Variants in PDE2A observed in about 807,000 individuals in gnomAD.
The protein encoded by PDE2A is cGMP-dependent 3',5'-cyclic phosphodiesterase.
A neutral mutation model predicts 133.6 loss-of-function variants in PDE2A; 53 were observed. The ratio of observed to expected loss-of-function variants is 0.40; its 90% CI spans 0.32 to 0.50. PDE2A has a LOEUF of 0.50. Among genes scored for constraint, PDE2A ranks in the 20% least tolerant of loss-of-function variants. The probability of loss-of-function intolerance (pLI) is 0.73; values close to 1 mark genes in which losing one functional copy is unlikely to be tolerated. For missense variants in PDE2A, 796 were observed against 1,232.4 expected, an observed-to-expected ratio of 0.65 and a Z score of 5.30; for synonymous variants, 491 against 490.2, an observed-to-expected ratio of 1.00 and a Z score of -0.02.
chr11:72,605,049 G>A lies in PDE2A; in HGVS notation c.323+89C>T, dbSNP rs1325910342. Reference sequence around the variant, plus strand: ...GGCGGGGATCAATGTTGGAAGGGGAGGGTCAGACCAGATGACCTTGGATGG... The same window carrying A: ...GGCGGGGATCAATGTTGGAAGGGGAAGGTCAGACCAGATGACCTTGGATGG... On this transcript the variant is annotated intron_variant, in intron 4 of 30. Transcript: ENST00000334456. 5.3e-6 allele frequency: 4 copies of A among 756,600 alleles called. No homozygotes were observed. The East Asian group carries it at 8.2e-5, about 16-fold the overall frequency. 46.9% of individuals were successfully genotyped at this position (756,600 alleles called of 1,614,324 possible). A position where few individuals can be genotyped will look rare whatever the true frequency, so the allele number is the denominator to read the frequency against.
At chr11:72,588,286 C>T (rs1856069995) in intron 13 of PDE2A, among the ~76,000 whole-genome samples, 1 of 152,186 alleles carries the variant, frequency 6.6e-6, no homozygotes, top group Non-Finnish European at 1.5e-5. Flanking sequence ...ATATCCTTTC[C>T]AACTAAGCCT....
chr11:72,582,483 G>A lies in PDE2A; in HGVS notation c.1812C>T (p.Thr604=), dbSNP rs1194276923. 6.2e-7 allele frequency: 1 copy of A among 1,613,892 alleles called. No homozygotes were observed. The highest frequency in any genetic ancestry group is 8.5e-7 in the Non-Finnish European group (1 of 1,179,900). Residue 604 remains threonine (T), a synonymous_variant, in exon 21 of 31, where the codon ACC becomes ACT. Transcript: ENST00000334456. ...AAIDSNFASF[T]YTPRSLPEDD... is the part of the protein sequence containing the mutation. Reference sequence around the variant, plus strand: ...CCTCGGGCAGGGAACGAGGGGTATAGGTGAAACTTGCAAAATTGGAGTCAA... The same window carrying A: ...CCTCGGGCAGGGAACGAGGGGTATAAGTGAAACTTGCAAAATTGGAGTCAA...
At chr11:72,613,524 C>A (rs1857317010) in intron 2 of PDE2A, among the ~76,000 whole-genome samples, 1 of 151,972 alleles carries the variant, frequency 6.6e-6, no homozygotes, top group Admixed American at 6.6e-5. Flanking sequence ...GGCCGACGTC[C>A]ACCTCTGTCC....
At chr11:72,648,624 G>T (rs1859193586) in intron 1 of PDE2A, among the ~76,000 whole-genome samples, 1 of 152,118 alleles carries the variant, frequency 6.6e-6, no homozygotes, top group Admixed American at 6.5e-5. Context: ...CTGGGGGAAG[G>T]GAACCCATAG....
chr11:72,625,204 G>T (rs7123699), intron 2 of PDE2A, among the ~76,000 whole-genome samples: 7,931 of 152,214 alleles, frequency 0.052, 700 homozygotes, highest in African/African-American at 0.18. Context: ...CCAACATTCC[G>T]GCTGGATCCA....
At chr11:72,608,776 G>C (rs1477281600) in intron 2 of PDE2A, 25 bp from the exon 3 acceptor site, 5 of 1,383,902 alleles carry the variant, frequency 3.6e-6, no homozygotes, top group Non-Finnish European at 5.0e-6. Context: ...AGGGCAGTGA[G>C]AGGCTTTGCC....
intron 6 of PDE2A, 95 bp downstream of exon 6, chr11:72,596,498 A>T: frequency 2.0e-6 from 1 of 497,718 alleles, no homozygotes; most frequent in East Asian, 3.6e-5. Flanking sequence ...ACACACACAC[A>T]CACACACACA....
At position 72,596,653 on chromosome 11, in the gene PDE2A, G is replaced by T. The variant is rs754637994; in HGVS notation, c.434-5C>A. Reference sequence around the variant, plus strand: ...CCGCTAGCGGCATGACCAGCACTGAGGGGGAGAGGGCAATGAGGTGCTCCT... The same window carrying T: ...CCGCTAGCGGCATGACCAGCACTGATGGGGAGAGGGCAATGAGGTGCTCCT... On this transcript the variant is annotated splice_polypyrimidine_tract_variant and splice_region_variant and intron_variant, in intron 5 of 30. Transcript: ENST00000334456. The T allele has an allele frequency of 6.8e-7, 1 of 1,460,328 alleles. No individual in the cohort carries two copies. The highest frequency in any genetic ancestry group is 9.1e-7 in the Non-Finnish European group (1 of 1,095,500). The allele number at this position is 1,460,328 out of a possible 1,614,324, so 90.5% of individuals were successfully genotyped here.
At chr11:72,642,007 T>C (rs1256889701) in intron 2 of PDE2A, among the ~76,000 whole-genome samples, 2 of 152,220 alleles carry the variant, frequency 1.3e-5, no homozygotes, top group Non-Finnish European at 2.9e-5. Flanking sequence ...GGTCCCACCG[T>C]GGACTGGAAG....
intron 1 of PDE2A, among the ~76,000 whole-genome samples, chr11:72,657,093 C>T (rs1234487255): frequency 6.6e-6 from 1 of 152,168 alleles, no homozygotes; most frequent in African/African-American, 2.4e-5. Context: ...AAAACCTCCT[C>T]CCCACTCATC....
intron 6 of PDE2A, among the ~76,000 whole-genome samples, chr11:72,594,442 C>T (rs529549165): frequency 6.6e-6 from 1 of 152,242 alleles, no homozygotes; most frequent in Non-Finnish European, 1.5e-5. Flanking sequence ...GACATGTATG[C>T]CTTGGGGAGG....
In PDE2A at chr11:72,581,904, T is replaced by C. The variant is rs1352179689; in HGVS notation, c.1895A>G (p.Tyr632Cys). Reference protein sequence around the residue: ...MLQDMNFINNYKIDCPTLARF... With the variant: ...MLQDMNFINNCKIDCPTLARF... ...GGCCAGGGTCGGGCAGTCAATTTTG[T>C]AGTTGTTGATGAAATTCATGTCCTG... Residue 632 changes from tyrosine (Y) to cysteine (C), a missense_variant, in exon 22 of 31, where the codon TAC becomes TGC. Physicochemically the swap from Tyr to Cys is radical, Grantham distance 194 (BLOSUM62 -2). Transcript: ENST00000334456. 1 of 1,613,974 alleles carries C rather than the reference T, an allele frequency of 6.2e-7. No homozygotes were observed.
At chr11:72,636,616 C>T (rs1184571118) in intron 2 of PDE2A, among the ~76,000 whole-genome samples, 2 of 152,148 alleles carry the variant, frequency 1.3e-5, no homozygotes, top group East Asian at 3.9e-4. Flanking sequence ...CTATACATCT[C>T]AGAGACTGCA....
At chr11:72,661,273 C>G (rs2135458201) in intron 1 of PDE2A, among the ~76,000 whole-genome samples, 1 of 152,210 alleles carries the variant, frequency 6.6e-6, no homozygotes, top group Non-Finnish European at 1.5e-5. Flanking sequence ...CCACTGCCCT[C>G]CAGCCTGGGT....
At chr11:72,596,517 C>CACACACA (rs1856496397) in intron 6 of PDE2A, 76 bp downstream of exon 6, 268 of 684,200 alleles carry the variant, frequency 3.9e-4, no homozygotes, top group Admixed American at 1.5e-3. Context: ...CACACACACA[C>CACACACA]CCTGGACAGG....
chr11:72,604,519 T>G (rs977202236), intron 4 of PDE2A, among the ~76,000 whole-genome samples: 5 of 152,250 alleles, frequency 3.3e-5, no homozygotes, highest in African/African-American at 9.6e-5. Flanking sequence ...CTGATTTAAA[T>G]GCTTTACATG....
chr11:72,647,712 C>G (rs1037082602), intron 1 of PDE2A, among the ~76,000 whole-genome samples: 2 of 152,218 alleles, frequency 1.3e-5, no homozygotes, highest in African/African-American at 4.8e-5. Flanking sequence ...AACACTCCAG[C>G]CCTGGAGTGG....
intron 2 of PDE2A, among the ~76,000 whole-genome samples, chr11:72,638,257 A>ATGC (rs973940336): frequency 1.3e-5 from 2 of 152,132 alleles, no homozygotes; most frequent in Non-Finnish European, 2.9e-5. Flanking sequence ...GCCTGATGAG[A>ATGC]TGCTGCCTGA....
intron 13 of PDE2A, chr11:72,587,741 C>T (rs1317351898): frequency 1.3e-5 from 2 of 152,318 alleles, no homozygotes; most frequent in Non-Finnish European, 2.9e-5. Context: ...CAAATGCCAC[C>T]AATCCCACAT....
Sources: gnomAD v4.1 joint callset for allele counts (sites outside exome capture counted in the v4.1 genomes callset) on GRCh38, gnomAD v4.1.1 for gene constraint, MANE v1.5 for transcripts, NCBI Gene and HGNC (gene_info 2026-07-23, HGNC 2026-07-21) for gene names.